ALG13: variants seen among roughly 807,000 people sequenced by gnomAD.
The protein encoded by ALG13 is ALG13 UDP-N-acetylglucosaminyltransferase subunit, also known as UDP-N-acetylglucosamine transferase subunit ALG13.
In ALG13, 11 loss-of-function variants were observed where a neutral mutation model predicts 87.8. The observed-to-expected ratio is 0.13, with a 90% CI of 0.08 to 0.21. The LOEUF is 0.21. Among genes scored for constraint, ALG13 ranks in the 10% least tolerant of loss-of-function variants. ALG13 has a pLI of 1.00. For synonymous variants in ALG13, 320 were observed against 306.3 expected (o/e 1.04, Z -0.47); for missense variants, 756 against 866.1 (o/e 0.87, Z 1.60).
intron 3 of ALG13, chrX:111,689,694 A>G (rs1331567608): frequency 2.8e-6 from 2 of 712,166 alleles, no homozygotes; most frequent in African/African-American, 4.7e-5. Flanking sequence ...AGATTTTACC[A>G]TTTGCTTAAA....
chrX:111,739,923 A>G (rs745477530), intron 23 of ALG13, among the ~76,000 whole-genome samples: 130 of 112,300 alleles, frequency 1.2e-3, no homozygotes, highest in Middle Eastern at 4.6e-3. Flanking sequence ...GTATTGGACA[A>G]CAGTGTACTA....
intron 25 of ALG13, among the ~76,000 whole-genome samples, chrX:111,755,089 C>A (rs2085378674): frequency 9.0e-6 from 1 of 111,153 alleles, no homozygotes; most frequent in Non-Finnish European, 1.9e-5. Flanking sequence ...ACCAATAGGA[C>A]CAATAGAACA....
At position 111,685,880 on chromosome X, in the gene ALG13, G is replaced by C. The variant is rs113056843; in HGVS notation, c.383+777G>C. Among the ~76,000 whole-genome samples, 267 of 112,095 alleles carry C rather than the reference G, an allele frequency of 2.4e-3. 1 individual carries two copies. Among genetic ancestry groups the C allele is most frequent in the Middle Eastern group, 9.3e-3 (2 of 215 alleles). ...AAGTAAGGAATGAACTTGGAGCTTG[G>C]TGTGTTTGAGGAACAGAGGGAAGAT... On this transcript the variant is annotated intron_variant, in intron 3 of 26. Coordinates refer to ENST00000394780, the MANE Select transcript of ALG13 (RefSeq NM_001099922.3).
chrX:111,701,196 C>T (rs1383476668), intron 3 of ALG13, among the ~76,000 whole-genome samples: 1 of 111,573 alleles, frequency 9.0e-6, no homozygotes, highest in Non-Finnish European at 1.9e-5. Context: ...CCTTGTCTGG[C>T]TTTGGTATCA....
At chrX:111,681,320 G>A in intron 1 of ALG13, 21 bp downstream of exon 1, 1 of 1,210,205 alleles carries the variant, frequency 8.3e-7, no homozygotes, top group East Asian at 3.0e-5. Flanking sequence ...GAGGCGAGCA[G>A]GCGGCGGCTT....
At chrX:111,742,824 A>G (rs1328769600) in intron 23 of ALG13, among the ~76,000 whole-genome samples, 4 of 112,586 alleles carry the variant, frequency 3.6e-5, no homozygotes, top group Admixed American at 2.8e-4. Flanking sequence ...GACTACAGCT[A>G]CATGGATGGG....
chrX:111,700,751 A>ATTTTTTTT (rs772630509), intron 3 of ALG13, among the ~76,000 whole-genome samples: 5 of 50,694 alleles, frequency 9.9e-5, no homozygotes, highest in East Asian at 6.3e-4. Context: ...TAATTTTTGT[A>ATTTTTTTT]TTTTTTTTTT....
chrX:111,749,595 G>A (rs1258298865), intron 24 of ALG13, among the ~76,000 whole-genome samples: 3 of 108,540 alleles, frequency 2.8e-5, no homozygotes, highest in African/African-American at 6.7e-5. Flanking sequence ...TGGTCTCTTT[G>A]AATTCATGAA....
intron 23 of ALG13, among the ~76,000 whole-genome samples, chrX:111,743,298 T>C (rs1943925396): frequency 8.9e-6 from 1 of 112,153 alleles, no homozygotes; most frequent in African/African-American, 3.2e-5. Context: ...AAAAAAAATC[T>C]GTATCTAGAA....
rs754675118 is a variant in ALG13 at position 111,697,929 on chromosome X, A to G, written c.384-10098A>G. On this transcript the variant is annotated intron_variant, in intron 3 of 26. Coordinates refer to ENST00000394780, the MANE Select transcript of ALG13 (RefSeq NM_001099922.3). ...GATCCCTTGGAGCTGTAAAATTCCA[A>G]TTACTTGTTTTCCCAGTTTATGATG... 2.4e-3 allele frequency among the ~76,000 whole-genome samples: 270 copies of G among 112,115 alleles called. 3 individuals are homozygous for G. Among genetic ancestry groups the G allele is most frequent in the African/African-American group, 8.4e-3 (260 of 30,938 alleles).
intron 1 of ALG13, chrX:111,681,654 G>C (rs759112224): frequency 6.6e-6 from 6 of 903,962 alleles, no homozygotes; most frequent in Non-Finnish European, 6.8e-6. Flanking sequence ...CACCGGGCTC[G>C]GCAGTTTTTC....
chrX:111,718,483 G>A (rs759124019), intron 10 of ALG13, among the ~76,000 whole-genome samples: 3 of 111,235 alleles, frequency 2.7e-5, no homozygotes, highest in East Asian at 2.8e-4. Context: ...GTTCAGGTCC[G>A]TTTTGTATTG....
In ALG13 at chrX:111,732,849, A is replaced by G. The variant is rs10126113; in HGVS notation, c.2458-2202A>G. 9.1e-3 allele frequency among the ~76,000 whole-genome samples: 1,010 copies of G among 111,452 alleles called. 17 individuals are homozygous for G. The highest frequency in any genetic ancestry group is 0.03 in the African/African-American group (935 of 30,694). On this transcript the variant is annotated intron_variant, in intron 21 of 26. Transcript: ENST00000394780. ...GTTTTTTCCCCCATTTCCTGCCACC[A>G]TTACTATTCTCATATCATGTGCTTT...
rs201541531 is a variant in ALG13, at chrX:111,736,727, T to C, written c.2543T>C (p.Ile848Thr). 12 of 1,207,611 alleles carry C rather than the reference T, an allele frequency of 9.9e-6. No individual in the cohort carries two copies. The highest frequency in any genetic ancestry group is 1.2e-5 in the Non-Finnish European group (11 of 894,191). ...CCACACTTACAGATGATGGGAAATA[T>C]TGCAGCAGTTGCAGCTTCCTGTGCC... Reference protein sequence around the residue: ...YNYPQKMMGNIAAVAASCANN... With the variant: ...YNYPQKMMGNTAAVAASCANN... Residue 848 changes from isoleucine (I) to threonine (T), a missense_variant, in exon 23 of 27, where the codon ATT (isoleucine) becomes ACT (threonine). By Grantham distance (89) the Ile-to-Thr change is moderately conservative (BLOSUM62 -1). Transcript: ENST00000394780.
At chrX:111,741,482 A>G (rs1330136064) in intron 23 of ALG13, among the ~76,000 whole-genome samples, 2 of 112,165 alleles carry the variant, frequency 1.8e-5, no homozygotes, top group African/African-American at 6.5e-5. Flanking sequence ...ATTAAGCAGT[A>G]TATTTGATTT....
At chrX:111,708,722 C>G (rs1301031509) in intron 4 of ALG13, among the ~76,000 whole-genome samples, 1 of 111,179 alleles carries the variant, frequency 9.0e-6, no homozygotes, top group African/African-American at 3.3e-5. Flanking sequence ...ATTTTAATGC[C>G]TAAGAAAAAA....
At chrX:111,682,387 G>C in intron 2 of ALG13, 93 bp downstream of exon 2, 1 of 742,053 alleles carries the variant, frequency 1.3e-6, no homozygotes, top group Non-Finnish European at 1.9e-6. Flanking sequence ...CAGGATGTGC[G>C]GGCTTGTTAC....
At chrX:111,698,670 A>G (rs1357200522) in intron 3 of ALG13, among the ~76,000 whole-genome samples, 27 of 111,959 alleles carry the variant, frequency 2.4e-4, no homozygotes, top group Middle Eastern at 4.6e-3. Flanking sequence ...AGGTTCATCT[A>G]TGTTGTCACA....
At position 111,725,056 on chromosome X, in the gene ALG13, A is replaced by T. The variant is rs1941822566; in HGVS notation, c.1724A>T (p.Glu575Val). 8.3e-7 allele frequency: 1 copy of T among 1,208,925 alleles called. No homozygotes were observed. The highest frequency in any genetic ancestry group is 1.7e-5 in the African/African-American group (1 of 57,143). ...YQKMPGGYVP[E>V]IVISEMDIKQ... is the part of the protein sequence containing the mutation. The stretch of plus-strand genomic sequence containing the variant: ...AAAATGCCTGGGGGTTATGTCCCGG[A>T]AATAGGTTTGTATGCTAAAGGTTGT... Residue 575 changes from glutamate to valine, a missense_variant, in exon 15 of 27, where the codon GAA becomes GTA. Around this residue, in one of 9 missense-constraint regions of ALG13, gnomAD observed 362 missense variants for 383.5 expected, o/e 0.94. Coordinates refer to ENST00000394780, the MANE Select transcript of ALG13 (RefSeq NM_001099922.3).
Sources: gnomAD v4.1 joint callset for allele counts (sites outside exome capture counted in the v4.1 genomes callset) on GRCh38, gnomAD v4.1.1 for gene constraint, gnomAD v4.1.1 regional missense constraint, MANE v1.5 for transcripts, NCBI Gene and HGNC (gene_info 2026-07-23, HGNC 2026-07-21) for gene names.